JCHAIN: variants seen among roughly 807,000 people sequenced by gnomAD.
JCHAIN encodes joining chain of multimeric IgA and IgM.
In JCHAIN, 5 loss-of-function variants were observed where a neutral mutation model predicts 11.1. The ratio of observed to expected loss-of-function variants is 0.45; its 90% CI spans 0.24 to 0.95. JCHAIN has a LOEUF of 0.95. JCHAIN is among the 40% of genes least tolerant of loss of function. JCHAIN has a pLI of 0.21. For synonymous variants in JCHAIN, 51 were observed against 67.8 expected (o/e 0.75, Z 1.22); for missense variants, 165 against 192.7 (o/e 0.86, Z 0.85).
rs1294993674 is a variant in JCHAIN at position 70,660,509 on chromosome 4, G to A, written c.188+1583C>T. 2.6e-5 allele frequency among the ~76,000 whole-genome samples: 4 copies of A among 151,112 alleles called. No individual in the cohort carries two copies. The Admixed American group carries it at 2.7e-4, about 10-fold the overall frequency. On this transcript the variant is annotated intron_variant, in intron 2 of 3. Transcript: ENST00000254801. ...AGTGATTCTCCTGCTTCAGCCTCCC[G>A]AGTAGCTGGGATTACAGGCACCTGC...
At chr4:70,663,085 A>AG (rs1317024241) in intron 1 of JCHAIN, among the ~76,000 whole-genome samples, 1 of 152,148 alleles carries the variant, frequency 6.6e-6, no homozygotes, top group East Asian at 1.9e-4. Context: ...GCCTGTATAC[A>AG]GAAAAAAAAA....
chr4:70,664,943 C>T (rs1434660996), intron 1 of JCHAIN, among the ~76,000 whole-genome samples: 1 of 152,170 alleles, frequency 6.6e-6, no homozygotes, highest in Non-Finnish European at 1.5e-5. Context: ...ACTTTCAATT[C>T]ACCAAGACTT....
At chr4:70,664,257 C>A (rs984849914) in intron 1 of JCHAIN, 1 of 151,694 alleles carries the variant, frequency 6.6e-6, no homozygotes, top group Admixed American at 6.6e-5. Context: ...ATAATTACAA[C>A]AATGATGTTA....
At position 70,656,322 on chromosome 4, in the gene JCHAIN, A is replaced by G; in HGVS notation, c.*7T>C. 1.2e-6 allele frequency: 2 copies of G among 1,602,502 alleles called. No homozygotes were observed. Among genetic ancestry groups the G allele is most frequent in the Non-Finnish European group, 1.7e-6 (2 of 1,169,578 alleles). On this transcript the variant is annotated 3_prime_UTR_variant, in exon 4 of 4. Transcript: ENST00000254801. ...AAAAAGAGCTATGCAGTCAGCAATG[A>G]CTTAAATTAGTCAGGATAGCAGGCA...
At chr4:70,663,152 AT>A (rs1739093143) in intron 1 of JCHAIN, among the ~76,000 whole-genome samples, 1 of 152,174 alleles carries the variant, frequency 6.6e-6, no homozygotes, top group Non-Finnish European at 1.5e-5. Flanking sequence ...GAATGTCAAC[AT>A]TTATTGTCTA....
At chr4:70,657,370 T>C (rs1449450864) in intron 2 of JCHAIN, 79 bp from the exon 3 acceptor site, 2 of 825,892 alleles carry the variant, frequency 2.4e-6, no homozygotes, top group Admixed American at 3.6e-5. Flanking sequence ...ATACGGCCAC[T>C]ATTTCATCAG....
At chr4:70,663,610 G>C (rs1157219407) in intron 1 of JCHAIN, 2 of 151,824 alleles carry the variant, frequency 1.3e-5, no homozygotes, top group Admixed American at 1.3e-4. Flanking sequence ...GCCCAGGCTG[G>C]AGTGCAATGG....
intron 2 of JCHAIN, among the ~76,000 whole-genome samples, chr4:70,659,856 G>A (rs969923427): frequency 2.6e-5 from 4 of 151,924 alleles, no homozygotes; most frequent in African/African-American, 9.7e-5. Flanking sequence ...GACAGAGGGA[G>A]ACTCCATCTC....
chr4:70,663,001 T>C (rs1381616551), intron 1 of JCHAIN, among the ~76,000 whole-genome samples: 1 of 151,764 alleles, frequency 6.6e-6, no homozygotes, highest in Non-Finnish European at 1.5e-5. Flanking sequence ...AGATAGAGTA[T>C]ATATAGATAT....
At chr4:70,663,009 T>C (rs1338928023) in intron 1 of JCHAIN, among the ~76,000 whole-genome samples, 1 of 151,496 alleles carries the variant, frequency 6.6e-6, no homozygotes, top group South Asian at 2.1e-4. Context: ...TATATATAGA[T>C]ATAAAGTGCT....
Position 70,656,265 on chromosome 4 carries a change from ACTTTCT to A in JCHAIN, c.*58_*63del. 8.1e-7 allele frequency: 1 copy of A among 1,227,050 alleles called. No homozygotes were observed. Among genetic ancestry groups the A allele is most frequent in the Non-Finnish European group, 1.2e-6 (1 of 848,378 alleles). The allele number at this position is 1,227,050 out of a possible 1,614,324, so 76.0% of individuals were successfully genotyped here. On this transcript the variant is annotated 3_prime_UTR_variant, in exon 4 of 4. Transcript: ENST00000254801. ...AAATTCATTGGTAATAAATATGCTA[ACTTTCT>A]GAATCAAAATGGAGAGCCTCTCAAG...
At chr4:70,658,192 T>C (rs1331301475) in intron 2 of JCHAIN, among the ~76,000 whole-genome samples, 1 of 152,166 alleles carries the variant, frequency 6.6e-6, no homozygotes, top group Non-Finnish European at 1.5e-5. Context: ...TCCACTTGCC[T>C]CTCTTCTCAT....
chr4:70,662,374 T>C (rs991988565), intron 1 of JCHAIN, among the ~76,000 whole-genome samples, 159 bp from the exon 2 acceptor site: 4 of 152,220 alleles, frequency 2.6e-5, no homozygotes, highest in African/African-American at 9.6e-5. Context: ...TACATCACAG[T>C]AAAGGAAATC....
At chr4:70,664,834 T>C (rs181745329) in intron 1 of JCHAIN, among the ~76,000 whole-genome samples, 1 of 152,342 alleles carries the variant, frequency 6.6e-6, no homozygotes, top group East Asian at 1.9e-4. Context: ...TTACGGCATA[T>C]GATTACTTCC....
chr4:70,659,606 A>G (rs1259652152), intron 2 of JCHAIN, among the ~76,000 whole-genome samples: 2 of 140,680 alleles, frequency 1.4e-5, no homozygotes. Context: ...TCATGCCTGC[A>G]GTCTCAGCAC....
In JCHAIN at chr4:70,657,256, G is replaced by A; in HGVS notation, c.224C>T (p.Pro75Leu). 6.2e-7 allele frequency: 1 copy of A among 1,604,808 alleles called. No homozygotes were observed. Among genetic ancestry groups the A allele is most frequent in the Non-Finnish European group, 8.5e-7 (1 of 1,172,144 alleles). ...AAATCTGGTTCTCAATGGTGAGGTGGGATCAGAGATATTCTCCCTGTTGTT... is the reference window on the plus strand; with the variant it reads ...AAATCTGGTTCTCAATGGTGAGGTGAGATCAGAGATATTCTCCCTGTTGTT... ...PLNNRENISD[P>L]TSPLRTRFVY... is the part of the protein sequence containing the mutation. The change falls in exon 3 of 4, where the codon CCC (proline) becomes CTC (leucine). Residue 75 changes from proline to leucine, a missense_variant. Physicochemically the swap from Pro to Leu is moderately conservative, Grantham distance 98 (BLOSUM62 -3). Coordinates refer to ENST00000254801, the MANE Select transcript of JCHAIN (RefSeq NM_144646.4).
chr4:70,662,302 A>C (rs1474546069), intron 1 of JCHAIN, 87 bp from the exon 2 acceptor site: 1 of 1,210,760 alleles, frequency 8.3e-7, no homozygotes, highest in Non-Finnish European at 1.2e-6. Context: ...TCTTGCCTGC[A>C]GAAAAATAGT....
In JCHAIN at chr4:70,659,364, A is replaced by G. The variant is rs551816617; in HGVS notation, c.189-2073T>C. ...CAGGAGTTCAAGCCCAGCTTGGCCAACATGATGAAACCTTGTCTCTACTAA... is the reference window on the plus strand; with the variant it reads ...CAGGAGTTCAAGCCCAGCTTGGCCAGCATGATGAAACCTTGTCTCTACTAA... On this transcript the variant is annotated intron_variant, in intron 2 of 3. Coordinates refer to ENST00000254801, the MANE Select transcript of JCHAIN (RefSeq NM_144646.4). Among the ~76,000 whole-genome samples the G allele has an allele frequency of 3.2e-3, 479 of 151,572 alleles. 2 individuals carry two copies. Among genetic ancestry groups the G allele is most frequent in the Middle Eastern group, 0.01 (3 of 294 alleles).
chr4:70,657,987 T>C (rs1738982805), intron 2 of JCHAIN, among the ~76,000 whole-genome samples: 1 of 152,128 alleles, frequency 6.6e-6, no homozygotes, highest in Admixed American at 6.6e-5. Context: ...ATTTTTTTCA[T>C]CTAAGTCATC....
Sources: gnomAD v4.1 joint callset for allele counts (sites outside exome capture counted in the v4.1 genomes callset) on GRCh38, gnomAD v4.1.1 for gene constraint, MANE v1.5 for transcripts, NCBI Gene and HGNC (gene_info 2026-07-23, HGNC 2026-07-21) for gene names.